The following GNB1 variants were observed in gnomAD, a reference collection of about 807,000 sequenced individuals.
GNB1 encodes the protein guanine nucleotide-binding protein G(I)/G(S)/G(T) subunit beta-1.
In GNB1, 2 loss-of-function variants were observed where a neutral mutation model predicts 42.9. The ratio of observed to expected loss-of-function variants is 0.05; its 90% CI spans 0.02 to 0.15. The LOEUF is 0.15. Among genes scored for constraint, GNB1 ranks in the 10% least tolerant of loss-of-function variants. The pLI, the probability that GNB1 is intolerant of heterozygous loss-of-function variation, is 1.00. For missense variants in GNB1, 193 were observed against 462.2 expected, an observed-to-expected ratio of 0.42 and a Z score of 5.34; for synonymous variants, 183 against 174.7, an observed-to-expected ratio of 1.05 and a Z score of -0.38.
intron 3 of GNB1, among the ~76,000 whole-genome samples, chr1:1,819,449 G>A (rs982652080): frequency 1.1e-4 from 16 of 152,072 alleles, no homozygotes; most frequent in African/African-American, 3.4e-4. Context: ...TAGAACTCCT[G>A]ACCTCAGGTG....
chr1:1,835,374 AAT>A (rs769123702), intron 2 of GNB1, among the ~76,000 whole-genome samples: 5 of 152,228 alleles, frequency 3.3e-5, no homozygotes, highest in African/African-American at 7.2e-5. Context: ...TGGGGACAGT[AAT>A]AGTCCCCACA....
At chr1:1,866,831 G>A (rs191046051) in intron 1 of GNB1, among the ~76,000 whole-genome samples, 235 of 152,202 alleles carry the variant, frequency 1.5e-3, no homozygotes, top group African/African-American at 5.5e-3. Flanking sequence ...GCAGGCGCCT[G>A]TAGTCCCAGG....
intron 4 of GNB1, chr1:1,817,544 T>G (rs1384785908): frequency 8.2e-6 from 2 of 243,224 alleles, no homozygotes; most frequent in Non-Finnish European, 1.6e-5. Context: ...TGAGGCAGAT[T>G]CTGTTGAGGA....
intron 2 of GNB1, among the ~76,000 whole-genome samples, chr1:1,837,633 C>T (rs923166529): frequency 6.6e-6 from 1 of 151,850 alleles, no homozygotes; most frequent in African/African-American, 2.4e-5. Context: ...AATCTCAGCT[C>T]ACTGCAACCT....
chr1:1,885,971 T>C (rs1650131779), intron 1 of GNB1, among the ~76,000 whole-genome samples: 2 of 150,258 alleles, frequency 1.3e-5, no homozygotes, highest in Admixed American at 1.3e-4. Context: ...TGGCACCCAA[T>C]GGTAGGCACT....
chr1:1,859,022 TTTC>T (rs1471738043), intron 1 of GNB1, among the ~76,000 whole-genome samples: 1 of 151,924 alleles, frequency 6.6e-6, no homozygotes, highest in African/African-American at 2.4e-5. Context: ...GGGTATTTAT[TTTC>T]TTTTTTTTTT....
intron 1 of GNB1, among the ~76,000 whole-genome samples, chr1:1,874,526 G>A (rs1340367488): frequency 5.8e-5 from 8 of 137,380 alleles, no homozygotes; most frequent in African/African-American, 2.1e-4. Flanking sequence ...AGAACTGCTT[G>A]AACCTTGGAG....
At chr1:1,804,372 A>AG in intron 7 of GNB1, 47 bp downstream of exon 7, 1 of 1,317,794 alleles carries the variant, frequency 7.6e-7, no homozygotes, top group Non-Finnish European at 1.1e-6. Context: ...AATGTACCCC[A>AG]GGTAAACAGC....
intron 1 of GNB1, among the ~76,000 whole-genome samples, chr1:1,878,627 T>A (rs764797884): frequency 3.3e-5 from 5 of 152,208 alleles, no homozygotes; most frequent in Non-Finnish European, 7.3e-5. Context: ...CACTGTCGCA[T>A]AGGTAACATT....
At chr1:1,874,517 G>A (rs556810958) in intron 1 of GNB1, among the ~76,000 whole-genome samples, 2 of 138,288 alleles carry the variant, frequency 1.4e-5, no homozygotes, top group South Asian at 2.4e-4. Context: ...TGAGGCAGGA[G>A]AACTGCTTGA....
chr1:1,858,267 C>A (rs1648414475), intron 1 of GNB1, among the ~76,000 whole-genome samples: 1 of 152,234 alleles, frequency 6.6e-6, no homozygotes. Flanking sequence ...GTTATTCTGA[C>A]AAGTCATTTG....
chr1:1,854,642 C>T (rs148239774), intron 1 of GNB1, among the ~76,000 whole-genome samples: 1 of 152,338 alleles, frequency 6.6e-6, no homozygotes, highest in African/African-American at 2.4e-5. Flanking sequence ...CGCATTGGCT[C>T]ATGCCTGTAA....
chr1:1,797,875 C>G (rs913999438), intron 7 of GNB1, among the ~76,000 whole-genome samples: 1 of 152,242 alleles, frequency 6.6e-6, no homozygotes. Flanking sequence ...GAAAGGCAGG[C>G]GGGCAAATGC....
chr1:1,807,435 G>A (rs1646710562), intron 5 of GNB1, among the ~76,000 whole-genome samples: 1 of 118,292 alleles, frequency 8.5e-6, no homozygotes, highest in African/African-American at 3.3e-5. Context: ...CTGCACTCTA[G>A]CCTGGGCAAC....
At chr1:1,850,054 C>T (rs1053153258) in intron 1 of GNB1, among the ~76,000 whole-genome samples, 1 of 152,002 alleles carries the variant, frequency 6.6e-6, no homozygotes, top group Non-Finnish European at 1.5e-5. Context: ...CTGCAATCTC[C>T]GCCTCCCAGG....
At chr1:1,795,919 G>A (rs977945711) in intron 7 of GNB1, among the ~76,000 whole-genome samples, 1 of 152,176 alleles carries the variant, frequency 6.6e-6, no homozygotes, top group Non-Finnish European at 1.5e-5. Context: ...ATGTGGACAA[G>A]CATCAGCTGA....
chr1:1,796,498 G>C (rs1448758811), intron 7 of GNB1, among the ~76,000 whole-genome samples: 2 of 152,370 alleles, frequency 1.3e-5, no homozygotes, highest in Admixed American at 6.5e-5. Context: ...GATGGGAGGA[G>C]CAGAGCTGTC....
chr1:1,798,583 G>A (rs1049369634), intron 7 of GNB1, among the ~76,000 whole-genome samples: 1 of 152,178 alleles, frequency 6.6e-6, no homozygotes, highest in Non-Finnish European at 1.5e-5. Context: ...AAGGGCCGCC[G>A]TGTCTCCACT....
intron 1 of GNB1, among the ~76,000 whole-genome samples, chr1:1,842,599 T>C (rs1401199507): frequency 3.3e-5 from 5 of 152,186 alleles, no homozygotes; most frequent in Admixed American, 2.6e-4. Flanking sequence ...AATGCAGTGG[T>C]TGCCAGGGGC....
Sources: allele counts gnomAD v4.1 joint callset (sites outside exome capture counted in the v4.1 genomes callset), GRCh38; gene constraint gnomAD v4.1.1; transcripts MANE v1.5; gene names NCBI Gene and HGNC (gene_info 2026-07-23, HGNC 2026-07-21).